The following PDE4D variants were observed in gnomAD, a reference collection of about 807,000 sequenced individuals.
PDE4D encodes phosphodiesterase 4D.
In PDE4D, 24 loss-of-function variants were observed where a neutral mutation model predicts 87.4. The ratio of observed to expected loss-of-function variants is 0.27; its 90% CI spans 0.20 to 0.39. The LOEUF (loss-of-function observed/expected upper bound fraction) is 0.39, where lower values mean the gene tolerates loss of function less well. Ranked by LOEUF, PDE4D falls within the 10% of genes least tolerant of loss-of-function variation. The pLI is 1.00. For missense variants in PDE4D, 714 were observed against 1,041.0 expected, an observed-to-expected ratio of 0.69 and a Z score of 4.32; for synonymous variants, 384 against 383.2, an observed-to-expected ratio of 1.00 and a Z score of -0.02.
At chr5:60,164,288 TTATTTACAACTAACGGGAAAAC>T (rs1484206394) in intron 2 of PDE4D, among the ~76,000 whole-genome samples, 2 of 152,126 alleles carry the variant, frequency 1.3e-5, no homozygotes, top group African/African-American at 2.4e-5. Context: ...AAGAAATCCT[TTATTTACAACTAACGGGAAAAC>T]TATTCAAAGG....
At chr5:60,455,850 A>G (rs1349816289) in intron 1 of PDE4D, among the ~76,000 whole-genome samples, 1 of 152,162 alleles carries the variant, frequency 6.6e-6, no homozygotes, top group Non-Finnish European at 1.5e-5. Context: ...TACTCAAAGT[A>G]GTGCCTGCAC....
intron 1 of PDE4D, among the ~76,000 whole-genome samples, chr5:59,596,295 T>C (rs1210025024): frequency 1.3e-5 from 2 of 149,326 alleles, no homozygotes; most frequent in Non-Finnish European, 3.0e-5. Flanking sequence ...AAAATGAAAA[T>C]ATTTCATTTA....
chr5:60,183,503 G>A lies in PDE4D; in HGVS notation c.42+2054C>T, dbSNP rs765342809. ...CAAGACACACTGGAACCCCTCTCATGAGAGGAACTCACTAAGTAAGGTGAT... is the reference window on the plus strand; with the variant it reads ...CAAGACACACTGGAACCCCTCTCATAAGAGGAACTCACTAAGTAAGGTGAT... On this transcript the variant is annotated intron_variant, in intron 2 of 16. Coordinates refer to the PDE4D transcript ENST00000502484. 8.4e-4 allele frequency among the ~76,000 whole-genome samples: 128 copies of A among 152,190 alleles called. 1 individual carries two copies. The highest frequency in any genetic ancestry group is 1.1e-3 in the Non-Finnish European group (74 of 68,032).
chr5:58,975,905 A>T lies in PDE4D; in HGVS notation c.1831-66T>A. 1 of 1,215,440 alleles carries T rather than the reference A, an allele frequency of 8.2e-7. No homozygotes were observed. The highest frequency in any genetic ancestry group is 2.6e-5 in the East Asian group (1 of 38,538). The allele number at this position is 1,215,440 out of a possible 1,614,324, so 75.3% of individuals were successfully genotyped here. ...TTTTTTTAAAAAAAAAAACAAAAAA[A>T]ACTAGAAATTCACATTGGATGACTG... On this transcript the variant is annotated intron_variant, in intron 13 of 14. Transcript: ENST00000340635. The surrounding 1 kb of genome is among the most constrained non-coding windows in gnomAD (Gnocchi z 4.2).
intron 1 of PDE4D, among the ~76,000 whole-genome samples, chr5:60,299,974 C>T (rs1341963934): frequency 6.6e-6 from 1 of 152,198 alleles, no homozygotes; most frequent in Admixed American, 6.5e-5. Flanking sequence ...GGAATCGCCA[C>T]ACTGTCTCCC....
At chr5:60,157,913 CTT>C (rs1215125797) in intron 2 of PDE4D, among the ~76,000 whole-genome samples, 1 of 148,114 alleles carries the variant, frequency 6.8e-6, no homozygotes, top group Non-Finnish European at 1.5e-5. Context: ...TCCTTCCTTC[CTT>C]CCTTCCTTCC....
intron 6 of PDE4D, among the ~76,000 whole-genome samples, chr5:59,009,376 G>A (rs943287241): frequency 1.3e-4 from 20 of 151,764 alleles, no homozygotes; most frequent in African/African-American, 4.8e-4. Context: ...ATGACATACT[G>A]GAAAAAAATG....
chr5:59,136,845 C>T (rs7707392), intron 5 of PDE4D, among the ~76,000 whole-genome samples: 1 of 152,112 alleles, frequency 6.6e-6, no homozygotes, highest in African/African-American at 2.4e-5. Flanking sequence ...GTTAAAATCA[C>T]GAAGAACTGA....
At chr5:59,499,837 C>A (rs1807955877) in intron 1 of PDE4D, among the ~76,000 whole-genome samples, 1 of 150,014 alleles carries the variant, frequency 6.7e-6, no homozygotes, top group African/African-American at 2.5e-5. Context: ...TGAATTCTAC[C>A]AGACATACAA....
At chr5:59,946,025 C>T (rs1196561885) in intron 3 of PDE4D, among the ~76,000 whole-genome samples, 2 of 152,182 alleles carry the variant, frequency 1.3e-5, no homozygotes, top group East Asian at 3.9e-4. Flanking sequence ...AACAGCCACC[C>T]CTCATTTTCA....
chr5:60,230,216 T>G (rs1745637005), intron 1 of PDE4D, among the ~76,000 whole-genome samples: 1 of 152,252 alleles, frequency 6.6e-6, no homozygotes, highest in East Asian at 1.9e-4. Context: ...GAAACTAAAA[T>G]GTGAATCTAG....
chr5:59,216,070 A>C, intron 1 of PDE4D, 102 bp from the exon 2 acceptor site: 1 of 758,240 alleles, frequency 1.3e-6, no homozygotes, highest in Non-Finnish European at 2.1e-6. Context: ...TGGAATTAGC[A>C]GGAATGAAAA....
chr5:60,331,248 G>C (rs769456527), intron 1 of PDE4D, among the ~76,000 whole-genome samples: 1 of 152,140 alleles, frequency 6.6e-6, no homozygotes, highest in Non-Finnish European at 1.5e-5. Flanking sequence ...CCTTGGGTCT[G>C]TTACTTAACT....
At chr5:60,263,731 T>C (rs528117287) in intron 1 of PDE4D, among the ~76,000 whole-genome samples, 1 of 152,264 alleles carries the variant, frequency 6.6e-6, no homozygotes, top group Non-Finnish European at 1.5e-5. Context: ...ACCTGGTTCC[T>C]GCTATCAAAA....
At chr5:60,463,306 G>T (rs532963192) in intron 1 of PDE4D, among the ~76,000 whole-genome samples, 38 of 152,172 alleles carry the variant, frequency 2.5e-4, no homozygotes, top group Non-Finnish European at 2.9e-5. Flanking sequence ...CTCCCGTGCT[G>T]CTTCTTGGCA....
intron 1 of PDE4D, among the ~76,000 whole-genome samples, chr5:59,739,157 C>T (rs1222735209): frequency 1.3e-5 from 2 of 152,118 alleles, no homozygotes; most frequent in Non-Finnish European, 2.9e-5. Context: ...CAGTGGCTCA[C>T]ACCTGTAATC....
At chr5:60,050,196 T>G (rs1042498099) in intron 2 of PDE4D, among the ~76,000 whole-genome samples, 1 of 152,152 alleles carries the variant, frequency 6.6e-6, no homozygotes, top group African/African-American at 2.4e-5. Context: ...GCTTCCCGAG[T>G]GAGGCAATGC....
chr5:59,553,888 C>T (rs749133203), intron 1 of PDE4D, among the ~76,000 whole-genome samples: 1 of 152,154 alleles, frequency 6.6e-6, no homozygotes, highest in East Asian at 1.9e-4. Flanking sequence ...CAGCCCCTCA[C>T]AGAGCTCTCC....
At chr5:59,998,205 C>T (rs1763692114) in intron 2 of PDE4D, among the ~76,000 whole-genome samples, 1 of 151,636 alleles carries the variant, frequency 6.6e-6, no homozygotes, top group Admixed American at 6.6e-5. Flanking sequence ...AACATTGCCC[C>T]CATTTTTCAA....
Sources: allele counts gnomAD v4.1 joint callset (sites outside exome capture counted in the v4.1 genomes callset), GRCh38; gene constraint gnomAD v4.1.1; non-coding constraint Gnocchi (gnomAD v3.1); transcripts MANE v1.5; gene names NCBI Gene and HGNC (gene_info 2026-07-23, HGNC 2026-07-21).